TOPBP1: variants seen among roughly 807,000 people sequenced by gnomAD.
TOPBP1 encodes the protein DNA topoisomerase 2-binding protein 1.
Under a neutral mutation model 167.7 loss-of-function variants are expected in TOPBP1, and 28 were observed. The ratio of observed to expected loss-of-function variants is 0.17; its 90% CI spans 0.12 to 0.23. The LOEUF (loss-of-function observed/expected upper bound fraction) is 0.23, where lower values mean the gene tolerates loss of function less well. Ranked by LOEUF, TOPBP1 falls within the 10% of genes least tolerant of loss-of-function variation. The probability of loss-of-function intolerance (pLI) is 1.00; values close to 1 mark genes in which losing one functional copy is unlikely to be tolerated. For missense variants in TOPBP1, 1,554 were observed against 1,809.6 expected, an observed-to-expected ratio of 0.86 and a Z score of 2.56; for synonymous variants, 598 against 611.4, an observed-to-expected ratio of 0.98 and a Z score of 0.32.
chr3:133,601,951 G>A (rs1934316744), intron 27 of TOPBP1, among the ~76,000 whole-genome samples: 1 of 152,122 alleles, frequency 6.6e-6, no homozygotes, highest in African/African-American at 2.4e-5. Flanking sequence ...TACAAATTCT[G>A]ACCAAAATAT....
intron 10 of TOPBP1, 29 bp from the exon 11 acceptor site, chr3:133,644,392 C>A: frequency 6.0e-6 from 9 of 1,508,290 alleles, no homozygotes; most frequent in Non-Finnish European, 8.0e-6. Flanking sequence ...TGTTTTCTAA[C>A]CAACAATTTA....
At chr3:133,601,776 C>T (rs1003686563) in intron 27 of TOPBP1, among the ~76,000 whole-genome samples, 2 of 152,134 alleles carry the variant, frequency 1.3e-5, no homozygotes, top group African/African-American at 4.8e-5. Flanking sequence ...CTTGCATTTT[C>T]CCCCCACAAC....
In TOPBP1 at chr3:133,606,922, T is replaced by TAC. The variant is rs369226982; in HGVS notation, c.4425+1611_4425+1612dup. 4.6e-5 allele frequency among the ~76,000 whole-genome samples: 7 copies of TAC among 151,680 alleles called. No homozygotes were observed. The South Asian group carries it at 6.2e-4, about 14-fold the overall frequency. On this transcript the variant is annotated intron_variant, in intron 27 of 27. Coordinates refer to ENST00000260810, the MANE Select transcript of TOPBP1 (RefSeq NM_007027.4). ...TAACTTTTTAGAAAAAAATATTAAA[T>TAC]ACACACACACACACCAACAAACAAA...
intron 10 of TOPBP1, among the ~76,000 whole-genome samples, chr3:133,647,853 G>A (rs974150020): frequency 9.2e-5 from 14 of 152,080 alleles, no homozygotes; most frequent in African/African-American, 3.1e-4. Flanking sequence ...ATCACAGAAA[G>A]ACAAAAAGAT....
At chr3:133,644,384 T>C (rs1362539015) in intron 10 of TOPBP1, 21 bp from the exon 11 acceptor site, 17 of 1,526,038 alleles carry the variant, frequency 1.1e-5, no homozygotes, top group Non-Finnish European at 1.5e-5. Flanking sequence ...AAAGTAAATG[T>C]TTTCTAACCA....
intron 27 of TOPBP1, among the ~76,000 whole-genome samples, chr3:133,607,999 T>C (rs2107769350): frequency 6.6e-6 from 1 of 152,336 alleles, no homozygotes; most frequent in East Asian, 1.9e-4. Context: ...CTAATCCTTA[T>C]GATTATGTGT....
intron 27 of TOPBP1, among the ~76,000 whole-genome samples, chr3:133,607,791 C>A (rs550870829): frequency 3.3e-4 from 50 of 152,226 alleles, no homozygotes; most frequent in Admixed American, 2.4e-3. Flanking sequence ...TGAGTGAAAA[C>A]CTTAGATAAA....
intron 13 of TOPBP1, among the ~76,000 whole-genome samples, chr3:133,638,633 C>G (rs1935761497): frequency 6.6e-6 from 1 of 152,128 alleles, no homozygotes; most frequent in Non-Finnish European, 1.5e-5. Flanking sequence ...ATCACTTAGC[C>G]TCAGTCATAA....
intron 23 of TOPBP1, among the ~76,000 whole-genome samples, chr3:133,616,122 C>CTTTTTT (rs200080685): frequency 2.8e-5 from 4 of 141,286 alleles, no homozygotes; most frequent in Non-Finnish European, 3.1e-5. Flanking sequence ...TTTCTTTTCC[C>CTTTTTT]TTTTTTTTTT....
chr3:133,651,925 A>G, intron 8 of TOPBP1, among the ~76,000 whole-genome samples: 1 of 152,206 alleles, frequency 6.6e-6, no homozygotes, highest in Non-Finnish European at 1.5e-5. Flanking sequence ...CTTGGATGAT[A>G]GTTTAAAGTC....
chr3:133,620,486 A>G, intron 19 of TOPBP1, 139 bp from the exon 20 acceptor site: 1 of 834,278 alleles, frequency 1.2e-6, no homozygotes, highest in Non-Finnish European at 1.8e-6. Context: ...AGGCTATAGT[A>G]ATGTACTAAA....
chr3:133,641,321 A>G lies in TOPBP1; in HGVS notation c.2022-1151T>C, dbSNP rs192832631. 1.4e-3 allele frequency among the ~76,000 whole-genome samples: 220 copies of G among 152,312 alleles called. 1 individual carries two copies. Among genetic ancestry groups the G allele is most frequent in the Non-Finnish European group, 2.6e-3 (175 of 68,026 alleles). ...CTGTCCATTAATTAAACTTTCTGCT[A>G]CACGTAACCACACTGTTATTTAGTG... On this transcript the variant is annotated intron_variant, in intron 12 of 27. Transcript: ENST00000260810.
In TOPBP1 at chr3:133,615,525, T is replaced by C. The variant is rs368602457; in HGVS notation, c.3871+1289A>G. 5.6e-4 allele frequency among the ~76,000 whole-genome samples: 85 copies of C among 152,178 alleles called. 1 individual carries two copies. Among genetic ancestry groups the C allele is most frequent in the Middle Eastern group, 3.4e-3 (1 of 294 alleles). The stretch of plus-strand genomic sequence containing the variant: ...CCAATATTTCTTAATGTTTTCTCTT[T>C]CCATGCTGAGCTGCCAGATTAACTT... On this transcript the variant is annotated intron_variant, in intron 23 of 27. Coordinates refer to ENST00000260810, the MANE Select transcript of TOPBP1 (RefSeq NM_007027.4).
intron 3 of TOPBP1, among the ~76,000 whole-genome samples, chr3:133,658,206 G>A (rs1329389823): frequency 3.9e-5 from 6 of 152,254 alleles, no homozygotes; most frequent in Non-Finnish European, 7.3e-5. Flanking sequence ...GCTCACGCCT[G>A]TAATGCCAGC....
intron 11 of TOPBP1, among the ~76,000 whole-genome samples, 199 bp from the exon 12 acceptor site, chr3:133,643,571 G>A (rs1035727441): frequency 2.0e-5 from 3 of 151,722 alleles, no homozygotes; most frequent in African/African-American, 7.3e-5. Context: ...TACATACATC[G>A]ACTAATTACA....
intron 11 of TOPBP1, 48 bp downstream of exon 11, chr3:133,643,972 A>T (rs1415383076): frequency 1.3e-6 from 2 of 1,496,104 alleles, no homozygotes. Context: ...CCTTCTTGGC[A>T]TTCAGATATC....
intron 21 of TOPBP1, 157 bp from the exon 22 acceptor site, chr3:133,617,483 T>A (rs1934938261): frequency 1.5e-6 from 1 of 662,260 alleles, no homozygotes; most frequent in Non-Finnish European, 2.2e-6. Context: ...CCAGAACTTA[T>A]AAATAAATGC....
chr3:133,657,809 T>C lies in TOPBP1; in HGVS notation c.352A>G (p.Lys118Glu). The C allele has an allele frequency of 6.5e-7, 1 of 1,538,364 alleles. No homozygotes were observed. The highest frequency in any genetic ancestry group is 8.7e-7 in the Non-Finnish European group (1 of 1,150,188). Residue 118 changes from lysine (K) to glutamate (E), a missense_variant, in exon 4 of 28, where the codon AAA becomes GAA. By Grantham distance (56) the Lys-to-Glu change is moderately conservative. Around this residue, in one of 3 missense-constraint regions of TOPBP1, gnomAD observed 1,197 missense variants for 1,351.5 expected, o/e 0.89. Transcript: ENST00000260810. The part of the protein sequence containing the change: ...DVTISCTSLE[K>E]EKREEVHKYV... ...AGATCAATATCTACCCTTTTTTCTT[T>C]TTCCAGACTTGTACAAGATATGGTT...
rs187668106 is a variant in TOPBP1 at position 133,651,508 on chromosome 3, A to G, written c.1089+955T>C. Reference sequence around the variant, plus strand: ...CCCAGCTCCAATTTCCCTTCTTAACAATAAGGTAGGGTTAAATTTTTGCTA... The same window carrying G: ...CCCAGCTCCAATTTCCCTTCTTAACGATAAGGTAGGGTTAAATTTTTGCTA... On this transcript the variant is annotated intron_variant, in intron 8 of 27. Transcript: ENST00000260810. Among the ~76,000 whole-genome samples, 7 of 152,218 alleles carry G rather than the reference A, an allele frequency of 4.6e-5. No homozygotes were observed. The East Asian group carries it at 1.4e-3, about 29-fold the overall frequency.
Sources: allele counts gnomAD v4.1 joint callset (sites outside exome capture counted in the v4.1 genomes callset), GRCh38; gene constraint gnomAD v4.1.1; regional missense constraint gnomAD v4.1.1; transcripts MANE v1.5; gene names NCBI Gene and HGNC (gene_info 2026-07-23, HGNC 2026-07-21).